Variants in IMMP1L observed in about 807,000 individuals in gnomAD.
IMMP1L encodes the protein mitochondrial inner membrane protease subunit 1.
In IMMP1L, 24 loss-of-function variants were observed where a neutral mutation model predicts 21.8. The observed-to-expected ratio is 1.10, with a 90% CI of 0.80 to 1.55. IMMP1L has a LOEUF of 1.55. Among genes scored for constraint, IMMP1L ranks in the 40% most tolerant of loss-of-function variants. The pLI, the probability that IMMP1L is intolerant of heterozygous loss-of-function variation, is 0.00. For missense variants in IMMP1L, 195 were observed against 200.7 expected (o/e 0.97, Z 0.17); for synonymous variants, 46 against 62.8 (o/e 0.73, Z 1.26).
intron 4 of IMMP1L, among the ~76,000 whole-genome samples, chr11:31,454,017 T>C (rs72889931): frequency 9.1e-4 from 138 of 152,260 alleles, no homozygotes; most frequent in Non-Finnish European, 1.6e-3. Context: ...AGATTACCTA[T>C]CAGTAAAATA....
At chr11:31,498,036 G>T (rs866882065) in intron 1 of IMMP1L, among the ~76,000 whole-genome samples, 2 of 152,216 alleles carry the variant, frequency 1.3e-5, no homozygotes, top group Middle Eastern at 3.4e-3. Context: ...AGAGAAAAAC[G>T]ATCGTCATGT....
At chr11:31,466,214 A>T (rs751435152) in intron 1 of IMMP1L, among the ~76,000 whole-genome samples, 3 of 152,148 alleles carry the variant, frequency 2.0e-5, no homozygotes, top group Non-Finnish European at 4.4e-5. Context: ...ATCAGGTATC[A>T]TCTTACCACA....
intron 1 of IMMP1L, among the ~76,000 whole-genome samples, chr11:31,498,968 T>C (rs763400517): frequency 6.6e-6 from 1 of 152,216 alleles, no homozygotes; most frequent in Non-Finnish European, 1.5e-5. Context: ...CTAAAGAAGA[T>C]ACTTTACATT....
chr11:31,490,386 C>T (rs1213680203), intron 1 of IMMP1L, among the ~76,000 whole-genome samples: 1 of 151,440 alleles, frequency 6.6e-6, no homozygotes, highest in African/African-American at 2.4e-5. Flanking sequence ...GTAGGAGAAT[C>T]ACTTGAACCC....
At chr11:31,472,744 A>T (rs1163740488) in intron 1 of IMMP1L, among the ~76,000 whole-genome samples, 2 of 152,248 alleles carry the variant, frequency 1.3e-5, no homozygotes, top group African/African-American at 2.4e-5. Context: ...ACAGCAAAAG[A>T]AGTATAGGAG....
intron 1 of IMMP1L, among the ~76,000 whole-genome samples, chr11:31,468,905 C>T (rs1954453515): frequency 6.6e-6 from 1 of 152,078 alleles, no homozygotes; most frequent in African/African-American, 2.4e-5. Context: ...AAAGCAGTTG[C>T]ACCACTGTAC....
At chr11:31,452,788 T>C (rs1256334324) in intron 4 of IMMP1L, 5 of 983,706 alleles carry the variant, frequency 5.1e-6, no homozygotes, top group Non-Finnish European at 6.1e-6. Context: ...TTCGCTCTTG[T>C]TGCCCAGGCT....
rs972929318 is a variant in IMMP1L, at chr11:31,509,422, A to G, written c.-30+97T>C. The stretch of plus-strand genomic sequence containing the variant: ...GGAGAAAGGTGCTAGCAATTGCTTG[A>G]TAAGCCCTAAGGGTTTATTGTTTCA... On this transcript the variant is annotated intron_variant, in intron 1 of 5. Transcript: ENST00000532287. 3.4e-5 allele frequency: 8 copies of G among 233,752 alleles called. No individual in the cohort carries two copies. The South Asian group carries it at 5.5e-4, about 16-fold the overall frequency. 14.5% of individuals were successfully genotyped at this position (233,752 alleles called of 1,614,324 possible).
rs74496363 is a variant in IMMP1L at position 31,466,811 on chromosome 11, G to C, written c.-29-3506C>G. Among the ~76,000 whole-genome samples, 422 of 152,158 alleles carry C rather than the reference G, an allele frequency of 2.8e-3. 14 individuals are homozygous for C. In the East Asian group the frequency reaches 0.067, roughly 24 times the overall value. Reference sequence around the variant, plus strand: ...GTTGGTTAATGGACACAAAATTACAGCTAGATAGGAGGAATAAGTTACTGC... The same window carrying C: ...GTTGGTTAATGGACACAAAATTACACCTAGATAGGAGGAATAAGTTACTGC... On this transcript the variant is annotated intron_variant, in intron 1 of 5. Coordinates refer to ENST00000532287, the MANE Select transcript of IMMP1L (RefSeq NM_001304274.2).
intron 4 of IMMP1L, among the ~76,000 whole-genome samples, chr11:31,441,426 C>G (rs907375525): frequency 1.3e-5 from 2 of 149,798 alleles, no homozygotes; most frequent in Non-Finnish European, 3.0e-5. Flanking sequence ...AAGTAAATGA[C>G]TTGTCATTTA....
intron 1 of IMMP1L, among the ~76,000 whole-genome samples, chr11:31,469,556 G>A (rs764433627): frequency 6.6e-6 from 1 of 152,172 alleles, no homozygotes; most frequent in Non-Finnish European, 1.5e-5. Context: ...GGAGAAAGTA[G>A]TAAGACTGAA....
At chr11:31,482,959 A>G (rs1461272742) in intron 1 of IMMP1L, among the ~76,000 whole-genome samples, 2 of 152,110 alleles carry the variant, frequency 1.3e-5, no homozygotes, top group Non-Finnish European at 2.9e-5. Flanking sequence ...TGGATAAATA[A>G]TAGTTATATA....
intron 4 of IMMP1L, among the ~76,000 whole-genome samples, chr11:31,453,790 T>C (rs1214362678): frequency 6.6e-6 from 1 of 152,174 alleles, no homozygotes; most frequent in Non-Finnish European, 1.5e-5. Context: ...TGATCAGAAA[T>C]ACTTCCCTGT....
At chr11:31,486,029 G>T (rs748271555) in intron 1 of IMMP1L, among the ~76,000 whole-genome samples, 3 of 151,522 alleles carry the variant, frequency 2.0e-5, no homozygotes, top group Non-Finnish European at 4.4e-5. Context: ...ATAACTATGG[G>T]GGCTTTAGAT....
rs1955927722 is a variant in IMMP1L, at chr11:31,509,524, GC to G, written c.-36del. On this transcript the variant is annotated 5_prime_UTR_variant, in exon 1 of 6. Transcript: ENST00000532287. The stretch of plus-strand genomic sequence containing the variant: ...CGTTACGTGATATTACCTACCTCGG[GC>G]CCCAAAGAACCCTGGAGACCCTCAA... The G allele has an allele frequency of 1.8e-6, 1 of 542,930 alleles. No homozygotes were observed. Among genetic ancestry groups the G allele is most frequent in the Non-Finnish European group, 3.3e-6 (1 of 301,274 alleles). 33.6% of individuals were successfully genotyped at this position (542,930 alleles called of 1,614,324 possible). A position where few individuals can be genotyped will look rare whatever the true frequency, so the allele number is the denominator to read the frequency against.
chr11:31,434,401 C>G (rs1953042587), intron 4 of IMMP1L, among the ~76,000 whole-genome samples: 1 of 152,052 alleles, frequency 6.6e-6, no homozygotes, highest in Non-Finnish European at 1.5e-5. Flanking sequence ...AACTTACTTT[C>G]CAGCAACAAT....
intron 4 of IMMP1L, among the ~76,000 whole-genome samples, chr11:31,436,358 A>G (rs555183319): frequency 2.0e-4 from 30 of 152,336 alleles, no homozygotes; most frequent in African/African-American, 6.7e-4. Context: ...AAGCACAATG[A>G]TAACTGCCAT....
intron 1 of IMMP1L, chr11:31,473,871 G>A: frequency 1.1e-5 from 3 of 278,602 alleles, no homozygotes; most frequent in Non-Finnish European, 1.6e-5. Context: ...CATTATATAT[G>A]TATATATATG....
At chr11:31,505,934 T>C (rs1228583205) in intron 1 of IMMP1L, among the ~76,000 whole-genome samples, 1 of 152,230 alleles carries the variant, frequency 6.6e-6, no homozygotes, top group African/African-American at 2.4e-5. Flanking sequence ...ATGTCATTGG[T>C]ACAGCATCCA....
Sources: gnomAD v4.1 joint callset for allele counts (sites outside exome capture counted in the v4.1 genomes callset) on GRCh38, gnomAD v4.1.1 for gene constraint, MANE v1.5 for transcripts, NCBI Gene and HGNC (gene_info 2026-07-23, HGNC 2026-07-21) for gene names.